BORCS5: variants seen among roughly 807,000 people sequenced by gnomAD.
BORCS5 encodes BLOC-1 related complex subunit 5, also known as BLOC-1-related complex subunit 5.
In BORCS5, 17 loss-of-function variants were observed where a neutral mutation model predicts 22.1. The ratio of observed to expected loss-of-function variants is 0.77; its 90% CI spans 0.53 to 1.15. The LOEUF (loss-of-function observed/expected upper bound fraction) is 1.15, where lower values mean the gene tolerates loss of function less well. Ranked by LOEUF, BORCS5 falls within the 50% of genes most tolerant of loss-of-function variation. The pLI is 0.00. For missense variants in BORCS5, 247 were observed against 253.2 expected (o/e 0.98, Z 0.17); for synonymous variants, 117 against 99.8 (o/e 1.17, Z -1.03).
At position 12,445,806 on chromosome 12, in the gene BORCS5, AT is replaced by A. The variant is rs1174003674; in HGVS notation, c.360+10039del. 3.7e-3 allele frequency among the ~76,000 whole-genome samples: 467 copies of A among 127,404 alleles called. 1 individual carries two copies. The highest frequency in any genetic ancestry group is 0.014 in the Middle Eastern group (3 of 220). The allele number at this position is 127,404 out of a possible 152,430, so 83.6% of individuals were successfully genotyped here. A position where few individuals can be genotyped will look rare whatever the true frequency, so the allele number is the denominator to read the frequency against. Reference sequence around the variant, plus strand: ...GTGACACTATGCCCAGCTGACTTTAATTTTTTTTTTTTTTTTTTGTAGAGAC... The same window carrying A: ...GTGACACTATGCCCAGCTGACTTTAATTTTTTTTTTTTTTTTTGTAGAGAC... On this transcript the variant is annotated intron_variant, in intron 3 of 3. Coordinates refer to ENST00000314565, the MANE Select transcript of BORCS5 (RefSeq NM_058169.6).
intron 2 of BORCS5, among the ~76,000 whole-genome samples, chr12:12,406,652 A>G (rs991740753): frequency 3.9e-5 from 6 of 152,240 alleles, no homozygotes. Context: ...AAACAAAAAA[A>G]AAACGTGTCA....
At chr12:12,461,303 G>A (rs1324435535) in intron 3 of BORCS5, among the ~76,000 whole-genome samples, 3 of 151,756 alleles carry the variant, frequency 2.0e-5, no homozygotes, top group African/African-American at 4.8e-5. Context: ...GGAGCAGGTG[G>A]GACTACAGGT....
intron 2 of BORCS5, among the ~76,000 whole-genome samples, chr12:12,429,138 T>C (rs1445431075): frequency 2.0e-5 from 3 of 152,190 alleles, no homozygotes; most frequent in African/African-American, 7.2e-5. Flanking sequence ...TTAAAAAATC[T>C]TAATGCTCAT....
chr12:12,462,277 C>A (rs1943120524), intron 3 of BORCS5, among the ~76,000 whole-genome samples: 1 of 152,194 alleles, frequency 6.6e-6, no homozygotes, highest in Non-Finnish European at 1.5e-5. Context: ...CTCTTGTTAT[C>A]CCCACTACCT....
intron 2 of BORCS5, among the ~76,000 whole-genome samples, chr12:12,411,191 C>T (rs1165558586): frequency 1.3e-5 from 2 of 152,198 alleles, no homozygotes; most frequent in African/African-American, 4.8e-5. Context: ...TTGACTTCCT[C>T]TTTTCCTAAC....
chr12:12,395,458 T>C (rs961501371), intron 2 of BORCS5, among the ~76,000 whole-genome samples: 2 of 119,754 alleles, frequency 1.7e-5, no homozygotes, highest in South Asian at 2.4e-4. Context: ...TTTTTTTTTT[T>C]GTATTTTTAG....
At chr12:12,408,382 A>G (rs1941640098) in intron 2 of BORCS5, among the ~76,000 whole-genome samples, 1 of 152,206 alleles carries the variant, frequency 6.6e-6, no homozygotes, top group East Asian at 1.9e-4. Context: ...GTAATTACCC[A>G]CAATGTGGTA....
chr12:12,427,440 A>G (rs528264083), intron 2 of BORCS5, among the ~76,000 whole-genome samples: 11 of 152,240 alleles, frequency 7.2e-5, no homozygotes, highest in African/African-American at 2.6e-4. Context: ...TCGGCCTCCC[A>G]AAGTGCTGGG....
At chr12:12,377,440 A>C (rs1863680999) in intron 2 of BORCS5, among the ~76,000 whole-genome samples, 1 of 152,070 alleles carries the variant, frequency 6.6e-6, no homozygotes, top group South Asian at 2.1e-4. Context: ...CAGCCTCCCA[A>C]AGTCCTGAGA....
chr12:12,458,414 G>A (rs1943037709), intron 3 of BORCS5, among the ~76,000 whole-genome samples: 1 of 152,006 alleles, frequency 6.6e-6, no homozygotes, highest in South Asian at 2.1e-4. Context: ...AATTATAAGA[G>A]TTATTGATAT....
intron 2 of BORCS5, among the ~76,000 whole-genome samples, chr12:12,409,746 G>A (rs1941680841): frequency 1.3e-5 from 2 of 152,044 alleles, no homozygotes; most frequent in African/African-American, 4.8e-5. Context: ...TATATACCCA[G>A]TAATGGGATG....
rs139579100 is a variant in BORCS5 at position 12,405,998 on chromosome 12, G to A, written c.203-29630G>A. On this transcript the variant is annotated intron_variant, in intron 2 of 3. Coordinates refer to ENST00000314565, the MANE Select transcript of BORCS5 (RefSeq NM_058169.6). ...ACTGAGCCACTGCCAAGTACCTGCC[G>A]TGCCTTGCACGGCAAACAATGCTGG... Among the ~76,000 whole-genome samples the A allele has an allele frequency of 8.2e-4, 125 of 152,350 alleles. 1 individual carries two copies. Among genetic ancestry groups the A allele is most frequent in the African/African-American group, 2.7e-3 (113 of 41,588 alleles).
At chr12:12,405,364 G>A (rs1941573330) in intron 2 of BORCS5, among the ~76,000 whole-genome samples, 1 of 152,204 alleles carries the variant, frequency 6.6e-6, no homozygotes, top group Admixed American at 6.5e-5. Context: ...GGTGACTCTA[G>A]AGCTTTCATG....
At chr12:12,419,511 G>A (rs537858844) in intron 2 of BORCS5, among the ~76,000 whole-genome samples, 1 of 152,208 alleles carries the variant, frequency 6.6e-6, no homozygotes, top group Non-Finnish European at 1.5e-5. Flanking sequence ...ACATATGTGT[G>A]CATGTGTCTT....
At chr12:12,461,532 G>T (rs1943104970) in intron 3 of BORCS5, among the ~76,000 whole-genome samples, 1 of 152,034 alleles carries the variant, frequency 6.6e-6, no homozygotes, top group East Asian at 1.9e-4. Flanking sequence ...CCCAAATGAT[G>T]GTGGCTTATA....
chr12:12,421,605 G>T (rs900179954), intron 2 of BORCS5, among the ~76,000 whole-genome samples: 3 of 152,140 alleles, frequency 2.0e-5, no homozygotes, highest in African/African-American at 7.2e-5. Context: ...TCTATTGATT[G>T]GAATAGTTTC....
At chr12:12,377,873 T>G (rs1184326592) in intron 2 of BORCS5, among the ~76,000 whole-genome samples, 1 of 152,054 alleles carries the variant, frequency 6.6e-6, no homozygotes, top group Non-Finnish European at 1.5e-5. Context: ...CAGTAAAGAT[T>G]TAGAAAGATA....
Position 12,357,456 on chromosome 12 carries a change from G to A in BORCS5, c.5G>A (p.Gly2Asp). Reference protein sequence around the residue: MGSEQSSEAESR... With the variant: MDSEQSSEAESR... ...GCTGCCACCGCTGTCGGCACCATGG[G>A]CAGTGAGCAGAGCTCCGAGGCCGAG... The change falls in exon 1 of 4, where the codon GGC (glycine) becomes GAC (aspartate). Residue 2 changes from glycine to aspartate, a missense_variant. Transcript: ENST00000314565. 1.2e-6 allele frequency: 2 copies of A among 1,610,478 alleles called. No individual in the cohort carries two copies. Among genetic ancestry groups the A allele is most frequent in the Non-Finnish European group, 1.7e-6 (2 of 1,177,222 alleles).
chr12:12,420,880 G>T (rs916720621), intron 2 of BORCS5, among the ~76,000 whole-genome samples: 3 of 152,144 alleles, frequency 2.0e-5, no homozygotes, highest in African/African-American at 4.8e-5. Context: ...GAATGATTGT[G>T]ATTTTTGCAC....
Sources: gnomAD v4.1 joint callset for allele counts (sites outside exome capture counted in the v4.1 genomes callset) on GRCh38, gnomAD v4.1.1 for gene constraint, MANE v1.5 for transcripts, NCBI Gene and HGNC (gene_info 2026-07-23, HGNC 2026-07-21) for gene names.